Variants in TRAP1 observed in about 807,000 individuals in gnomAD.
The protein encoded by TRAP1 is TNF receptor associated protein 1.
Under a neutral mutation model 89.1 loss-of-function variants are expected in TRAP1, and 102 were observed. That is an observed-to-expected ratio of 1.15 (90% CI 0.98 to 1.35). The LOEUF (loss-of-function observed/expected upper bound fraction) is 1.35. TRAP1 is among the 40% of genes most tolerant of loss of function. The pLI is 0.00. For synonymous variants in TRAP1, 508 were observed against 388.0 expected, an observed-to-expected ratio of 1.31 and a Z score of -3.64; for missense variants, 1,256 against 945.3, an observed-to-expected ratio of 1.33 and a Z score of -4.31.
At chr16:3,691,535 G>A (rs920071825) in intron 1 of TRAP1, among the ~76,000 whole-genome samples, 2 of 152,144 alleles carry the variant, frequency 1.3e-5, no homozygotes, top group Non-Finnish European at 2.9e-5. Context: ...GATGCCTGCT[G>A]ACAGCACTTC....
intron 1 of TRAP1, chr16:3,710,603 GC>G (rs1440698367): frequency 1.3e-5 from 2 of 152,180 alleles, no homozygotes; most frequent in African/African-American, 2.4e-5. Flanking sequence ...TTTAAAGTCA[GC>G]CTCGTGGAAA....
Position 3,702,956 on chromosome 16 carries a change from C to T in TRAP1, c.89-11971G>A, listed in dbSNP as rs951244668. ...ACTTGGGAGGCCGAGGTAGGAGAATCGCTTGAACCCAGGAGGTGGAGGTTG... is the reference window on the plus strand; with the variant it reads ...ACTTGGGAGGCCGAGGTAGGAGAATTGCTTGAACCCAGGAGGTGGAGGTTG... On this transcript the variant is annotated intron_variant, in intron 1 of 17. Transcript: ENST00000246957. Among the ~76,000 whole-genome samples, 20 of 147,306 alleles carry T rather than the reference C, an allele frequency of 1.4e-4. 2 individuals are homozygous for T. Among genetic ancestry groups the T allele is most frequent in the African/African-American group, 4.1e-4 (16 of 39,178 alleles).
intron 1 of TRAP1, among the ~76,000 whole-genome samples, chr16:3,697,773 C>T (rs2051309354): frequency 6.6e-6 from 1 of 151,140 alleles, no homozygotes. Context: ...TGGTTTTTCC[C>T]CAATTAATAT....
At chr16:3,667,784 A>AG (rs78903239) in intron 11 of TRAP1, among the ~76,000 whole-genome samples, 149,372 of 149,376 alleles carry the variant, frequency 1, 74,684 homozygotes, top group Non-Finnish European at 1. Context: ...CATCCGACGA[A>AG]TCTTGCTCTT....
chr16:3,673,945 C>G (rs933405022), intron 9 of TRAP1, among the ~76,000 whole-genome samples: 2 of 152,118 alleles, frequency 1.3e-5, no homozygotes, highest in Non-Finnish European at 2.9e-5. Context: ...GATGTAGGCT[C>G]TGAGGGCCCT....
chr16:3,663,989 G>C (rs951586585), intron 13 of TRAP1: 1 of 369,624 alleles, frequency 2.7e-6, no homozygotes, highest in East Asian at 5.4e-5. Context: ...CCTGAACCCA[G>C]GAGGCGGAAG....
chr16:3,676,238 AG>A lies in TRAP1; in HGVS notation c.705-94del, dbSNP rs1567231392. ...AGCGGTTCCCGAGGGTTTCATAGGC[AG>A]AGCCCAAACAACACACAACACACCT... On this transcript the variant is annotated intron_variant, in intron 6 of 17. Transcript: ENST00000246957. 16 of 1,093,128 alleles carry A rather than the reference AG, an allele frequency of 1.5e-5. No homozygotes were observed. In the Middle Eastern group the frequency reaches 8.3e-4, roughly 57 times the overall value. 67.7% of individuals were successfully genotyped at this position (1,093,128 alleles called of 1,614,324 possible).
At chr16:3,670,931 G>A (rs1449210226) in intron 11 of TRAP1, among the ~76,000 whole-genome samples, 1 of 151,926 alleles carries the variant, frequency 6.6e-6, no homozygotes, top group Non-Finnish European at 1.5e-5. Context: ...CTCTCGGTGT[G>A]GGCCTCTCGC....
chr16:3,663,673 A>G (rs2050746991), intron 13 of TRAP1, 111 bp from the exon 14 acceptor site: 1 of 1,416,500 alleles, frequency 7.1e-7, no homozygotes. Context: ...CACACTGGGG[A>G]ACACCGGGGC....
At chr16:3,663,181 C>G in intron 14 of TRAP1, 2 of 660,218 alleles carry the variant, frequency 3.0e-6, no homozygotes, top group Middle Eastern at 8.3e-4. Context: ...AAAAAATACA[C>G]AGCCTCTCAA....
At chr16:3,710,086 T>G (rs1014063846) in intron 1 of TRAP1, among the ~76,000 whole-genome samples, 1 of 152,224 alleles carries the variant, frequency 6.6e-6, no homozygotes, top group African/African-American at 2.4e-5. Context: ...GGTCTAATCG[T>G]TCTCTACTAT....
intron 4 of TRAP1, among the ~76,000 whole-genome samples, chr16:3,681,967 C>A (rs184282663): frequency 9.9e-4 from 151 of 152,134 alleles, no homozygotes; most frequent in African/African-American, 2.8e-3. Context: ...TCCTATAAAG[C>A]TACAATAATT....
intron 1 of TRAP1, among the ~76,000 whole-genome samples, chr16:3,694,604 C>T (rs1266366824): frequency 6.6e-6 from 1 of 152,178 alleles, no homozygotes; most frequent in Non-Finnish European, 1.5e-5. Flanking sequence ...TCCCAAAGTG[C>T]TGGGATTACA....
chr16:3,710,879 A>ATATATATTTTTTT (rs71133652), intron 1 of TRAP1, among the ~76,000 whole-genome samples: 96 of 125,776 alleles, frequency 7.6e-4, no homozygotes, highest in East Asian at 4.3e-3. Flanking sequence ...ATATATATAT[A>ATATATATTTTTTT]TTTTTTTTTT....
intron 1 of TRAP1, among the ~76,000 whole-genome samples, chr16:3,712,926 T>C (rs1414816731): frequency 6.6e-6 from 1 of 152,190 alleles, no homozygotes; most frequent in Non-Finnish European, 1.5e-5. Flanking sequence ...TGATGTGTTC[T>C]TTTTCAGGCA....
At chr16:3,668,915 C>T (rs980158955) in intron 11 of TRAP1, among the ~76,000 whole-genome samples, 1 of 152,250 alleles carries the variant, frequency 6.6e-6, no homozygotes, top group African/African-American at 2.4e-5. Context: ...AGGAACGCAG[C>T]CGCCTCGGCC....
chr16:3,660,284 C>A (rs2042995947), intron 16 of TRAP1: 1 of 152,118 alleles, frequency 6.6e-6, no homozygotes, highest in Non-Finnish European at 1.5e-5. Context: ...GAAATTTTCC[C>A]CTGTAAGCAG....
chr16:3,675,326 G>C lies in TRAP1; in HGVS notation c.886C>G (p.Gln296Glu), dbSNP rs1366667761. The C allele has an allele frequency of 3.1e-6, 5 of 1,613,878 alleles. No individual in the cohort carries two copies. The African/African-American group carries it at 6.7e-5, about 22-fold the overall frequency. ...YLNGRRMNTL[Q>E]AIWMMDPKDV... ...CCCTAGAGGAACTCAGGGCTCACCT[G>C]CAAGGTGTTCATCCGCCTTCCATTC... Residue 296 changes from glutamine to glutamate, a missense_variant and splice_region_variant, in exon 8 of 18, where the codon CAG (glutamine) becomes GAG (glutamate). Transcript: ENST00000246957.
intron 3 of TRAP1, 86 bp downstream of exon 3, chr16:3,688,963 TATATTA>T (rs2051174699): frequency 8.5e-7 from 1 of 1,178,780 alleles, no homozygotes; most frequent in Non-Finnish European, 1.2e-6. Flanking sequence ...TCACAGCTAA[TATATTA>T]TCTGGCAATT....
Sources: allele counts gnomAD v4.1 joint callset (sites outside exome capture counted in the v4.1 genomes callset), GRCh38; gene constraint gnomAD v4.1.1; transcripts MANE v1.5; gene names NCBI Gene and HGNC (gene_info 2026-07-23, HGNC 2026-07-21).